WDR45: variants seen among roughly 807,000 people sequenced by gnomAD.
The protein encoded by WDR45 is WD repeat domain 45, also known as WD repeat domain phosphoinositide-interacting protein 4.
In WDR45, 2 loss-of-function variants were observed where a neutral mutation model predicts 27.3. The observed-to-expected ratio is 0.07, with a 90% CI of 0.03 to 0.23. The LOEUF (loss-of-function observed/expected upper bound fraction) is 0.23. WDR45 is among the 10% of genes least tolerant of loss of function. The probability of loss-of-function intolerance (pLI) is 1.00; values close to 1 mark genes in which losing one functional copy is unlikely to be tolerated. For synonymous variants in WDR45, 99 were observed against 119.2 expected, an observed-to-expected ratio of 0.83 and a Z score of 1.11; for missense variants, 175 against 311.9, an observed-to-expected ratio of 0.56 and a Z score of 3.31.
upstream of WDR45, among the ~76,000 whole-genome samples, chrX:49,081,257 G>A (rs1462200510): frequency 1.9e-5 from 2 of 105,586 alleles, no homozygotes; most frequent in African/African-American, 6.7e-5. Flanking sequence ...TAGGCTGGGC[G>A]CGGTGGCTCA....
chrX:49,075,050 T>C, intron 10 of WDR45, 86 bp downstream of exon 10: 1 of 1,174,286 alleles, frequency 8.5e-7, no homozygotes, highest in Non-Finnish European at 1.2e-6. Context: ...AAGCTGAGCC[T>C]CACATGGCCC....
chrX:49,098,136 A>T (rs2065132623), intron 2 of WDR45, among the ~76,000 whole-genome samples: 2 of 111,367 alleles, frequency 1.8e-5, no homozygotes, highest in African/African-American at 6.5e-5. Context: ...TAATTTTTGT[A>T]GAGACGGTGT....
chrX:49,074,998 C>T, intron 10 of WDR45, 86 bp from the exon 11 acceptor site: 1 of 1,122,574 alleles, frequency 8.9e-7, no homozygotes, highest in Non-Finnish European at 1.2e-6. Flanking sequence ...CTAGGGTCTG[C>T]CTCCAGGCCT....
upstream of WDR45, chrX:49,080,320 C>T (rs1315296910): frequency 8.9e-6 from 1 of 111,981 alleles, no homozygotes; most frequent in East Asian, 2.8e-4. Context: ...CGGGGGCGGA[C>T]CTGGAGACCT....
chrX:49,079,983 G>C (rs2065059622), upstream of WDR45: 1 of 113,274 alleles, frequency 8.8e-6, no homozygotes, highest in African/African-American at 3.2e-5. Context: ...CCTAGTTCCC[G>C]GGTCTTCGGA....
chrX:49,091,902 G>GGGTGGATCACGAGGTC (rs1557086719), intron 2 of WDR45, among the ~76,000 whole-genome samples: 1 of 106,774 alleles, frequency 9.4e-6, no homozygotes, highest in African/African-American at 3.4e-5. Context: ...AGGCTGAGGC[G>GGGTGGATCACGAGGTC]GGTGGATCAC....
chrX:49,077,583 G>A (rs868946119), intron 4 of WDR45, 60 bp downstream of exon 4: 1 of 1,037,144 alleles, frequency 9.6e-7, no homozygotes, highest in African/African-American at 1.9e-5. Context: ...ACCTTGGGGT[G>A]CCTGTGGGAG....
At chrX:49,099,393 C>T (rs2147831716) in intron 2 of WDR45, among the ~76,000 whole-genome samples, 1 of 111,510 alleles carries the variant, frequency 9.0e-6, no homozygotes, top group South Asian at 3.7e-4. Flanking sequence ...CTACCCAGTA[C>T]TCCAGTTCCC....
At position 49,076,501 on chromosome X, in the gene WDR45, C is replaced by T; in HGVS notation, c.365G>A (p.Arg122His). The T allele has an allele frequency of 2.5e-6, 3 of 1,212,022 alleles. No individual in the cohort carries two copies. Among genetic ancestry groups the T allele is most frequent in the Non-Finnish European group, 3.3e-6 (3 of 895,545 alleles). ...GTCGGGGAAGGAGTACACATAGATG[C>T]GGTTCTTCAGCACGATCACGATCCT... Reference protein sequence around the residue: ...HDKIVIVLKNRIYVYSFPDNP... With the variant: ...HDKIVIVLKNHIYVYSFPDNP... The change falls in exon 6 of 11, where the codon CGC becomes CAC. Residue 122 changes from arginine (R) to histidine (H), a missense_variant. Arg to His is a conservative substitution (Grantham distance 29). This residue lies in a region of WDR45 where 102 missense variants were observed against 165.4 expected (regional missense o/e 0.62). Coordinates refer to ENST00000376372, the MANE Select transcript of WDR45 (RefSeq NM_001029896.2).
chrX:49,093,207 C>T (rs1350660351), intron 2 of WDR45, among the ~76,000 whole-genome samples: 2 of 111,586 alleles, frequency 1.8e-5, no homozygotes, highest in Non-Finnish European at 3.8e-5. Flanking sequence ...CTGTGCCTGG[C>T]CAGTATTATG....
At chrX:49,092,834 A>T (rs782531263) in intron 2 of WDR45, among the ~76,000 whole-genome samples, 2 of 112,623 alleles carry the variant, frequency 1.8e-5, no homozygotes, top group Admixed American at 1.9e-4. Flanking sequence ...GTCCCTGAGA[A>T]TTCACTATGG....
chrX:49,088,778 G>A (rs1657826007), intron 2 of WDR45, among the ~76,000 whole-genome samples: 1 of 111,588 alleles, frequency 9.0e-6, no homozygotes, highest in African/African-American at 3.3e-5. Flanking sequence ...GAACCCAGGA[G>A]TTTGAGGTGC....
chrX:49,076,260 G>A (rs2065036684), intron 6 of WDR45, 170 bp downstream of exon 6: 1 of 583,406 alleles, frequency 1.7e-6, no homozygotes, highest in Admixed American at 3.5e-5. Flanking sequence ...CGGAGGTGGG[G>A]AGAACTGGCT....
chrX:49,078,465 TGAGCC>T (rs1422036939), intron 1 of WDR45, among the ~76,000 whole-genome samples: 2 of 111,021 alleles, frequency 1.8e-5, no homozygotes, highest in Non-Finnish European at 3.8e-5. Flanking sequence ...GAGATGGCAG[TGAGCC>T]GAAATCGAGC....
rs139837168 is a variant in WDR45, at chrX:49,076,730, G to T, written c.256C>A (p.Arg86=). 1.8e-5 allele frequency: 22 copies of T among 1,206,415 alleles called. No individual in the cohort carries two copies. The highest frequency in any genetic ancestry group is 2.5e-5 in the Non-Finnish European group (22 of 892,574). ...TTCTCCTTGGAGTCCTTGCCCTCCC[G>T]GGCATCGTCCCAGATCAGCACTGCT... is the stretch of plus-strand genomic sequence containing the variant. ...EISVLIWDDA[R]EGKDSKEKLV... Residue 86 remains arginine, a synonymous_variant, in exon 5 of 11, where the codon CGG becomes AGG. Coordinates refer to ENST00000376372, the MANE Select transcript of WDR45 (RefSeq NM_001029896.2).
intron 2 of WDR45, among the ~76,000 whole-genome samples, chrX:49,095,796 C>T (rs1372981608): frequency 3.2e-5 from 2 of 62,504 alleles, no homozygotes; most frequent in African/African-American, 6.6e-5. Context: ...GGCGGCATCT[C>T]GCTGTCACCC....
chrX:49,091,357 C>A (rs1261218966), intron 2 of WDR45, among the ~76,000 whole-genome samples: 1 of 111,635 alleles, frequency 9.0e-6, no homozygotes, highest in East Asian at 2.8e-4. Context: ...AAGAGAATCA[C>A]TTGAAACCGG....
At chrX:49,099,534 C>G (rs2147831769) in intron 2 of WDR45, among the ~76,000 whole-genome samples, 1 of 111,271 alleles carries the variant, frequency 9.0e-6, no homozygotes, top group African/African-American at 3.3e-5. Flanking sequence ...GTAATCCCAG[C>G]ACTTTGGGAG....
upstream of WDR45, among the ~76,000 whole-genome samples, chrX:49,082,931 G>A (rs1453021508): frequency 9.6e-6 from 1 of 104,410 alleles, no homozygotes; most frequent in Non-Finnish European, 2.0e-5. Flanking sequence ...CCAAGCTGGA[G>A]TGCAGTGGGG....
Sources: gnomAD v4.1 joint callset for allele counts (sites outside exome capture counted in the v4.1 genomes callset) on GRCh38, gnomAD v4.1.1 for gene constraint, gnomAD v4.1.1 regional missense constraint, MANE v1.5 for transcripts, NCBI Gene and HGNC (gene_info 2026-07-23, HGNC 2026-07-21) for gene names.